Variants in NOS1 observed in about 807,000 individuals in gnomAD.
NOS1 encodes the protein NOS type I.
NOS1 carries 51 observed loss-of-function variants against 164.5 expected under a neutral mutation model. The ratio of observed to expected loss-of-function variants is 0.31; its 90% CI spans 0.25 to 0.39. The LOEUF (loss-of-function observed/expected upper bound fraction) is 0.39. Ranked by LOEUF, NOS1 falls within the 10% of genes least tolerant of loss-of-function variation. The pLI is 1.00. For missense variants in NOS1, 1,362 were observed against 1,885.6 expected (o/e 0.72, Z 5.14); for synonymous variants, 719 against 745.8 (o/e 0.96, Z 0.59).
intron 3 of NOS1, among the ~76,000 whole-genome samples, chr12:117,298,769 C>T (rs1245582861): frequency 6.6e-6 from 1 of 152,164 alleles, no homozygotes; most frequent in Non-Finnish European, 1.5e-5. Context: ...GGAACCAGCA[C>T]CGCCAACACC....
chr12:117,297,066 A>C lies in NOS1; in HGVS notation c.853-6640T>G, dbSNP rs140737268. ...GAGCAAACTAACACAAGGTCTAAAA[A>C]GTTTCAACACTGTAGAGTTCCTTAA... On this transcript the variant is annotated intron_variant, in intron 3 of 28. Coordinates refer to ENST00000317775, the MANE Select transcript of NOS1 (RefSeq NM_000620.5). 3.2e-3 allele frequency among the ~76,000 whole-genome samples: 489 copies of C among 152,372 alleles called. 4 individuals are homozygous for C. Among genetic ancestry groups the C allele is most frequent in the African/African-American group, 0.011 (442 of 41,586 alleles).
At position 117,330,316 on chromosome 12, in the gene NOS1, A is replaced by G. The variant is rs1338645883; in HGVS notation, c.725+29T>C. The G allele has an allele frequency of 1.3e-6, 2 of 1,586,680 alleles. No individual in the cohort carries two copies. The highest frequency in any genetic ancestry group is 1.7e-6 in the Non-Finnish European group (2 of 1,164,664). The stretch of plus-strand genomic sequence containing the variant: ...CACAAGCATGCACACACACACACAC[A>G]CACACACACACACCCCTGTGGAGCT... On this transcript the variant is annotated intron_variant, in intron 2 of 28. Transcript: ENST00000317775. This position sits in a 1 kb window ranked among gnomAD's most constrained non-coding sequence, Gnocchi z 4.6.
chr12:117,349,995 G>T (rs1231551766), intron 1 of NOS1, among the ~76,000 whole-genome samples: 1 of 152,050 alleles, frequency 6.6e-6, no homozygotes, highest in Non-Finnish European at 1.5e-5. Flanking sequence ...AAAGTGCTGG[G>T]TTTACAGGTG....
chr12:117,281,199 C>T (rs1399103121), intron 7 of NOS1, among the ~76,000 whole-genome samples: 9 of 152,194 alleles, frequency 5.9e-5, no homozygotes, highest in African/African-American at 2.2e-4. Flanking sequence ...GTCATTTCCA[C>T]GGAAACATCA....
chr12:117,280,614 T>C (rs2136010201), intron 8 of NOS1, 111 bp downstream of exon 8: 1 of 1,100,496 alleles, frequency 9.1e-7, no homozygotes, highest in Non-Finnish European at 1.3e-6. Flanking sequence ...GAAGAGTAAA[T>C]GACCCCATCA....
At position 117,211,930 on chromosome 12, in the gene NOS1, T is replaced by A; in HGVS notation, c.*3379A>T. On this transcript the variant is annotated 3_prime_UTR_variant, in exon 29 of 29. Transcript: ENST00000317775. ...AAATACAAAACTTAGCTGGGCGTGG[T>A]GGTAGGCGCCTGTAGTCCCAGTTAC... 1 of 663,602 alleles carries A rather than the reference T, an allele frequency of 1.5e-6. No individual in the cohort carries two copies. Among genetic ancestry groups the A allele is most frequent in the Non-Finnish European group, 1.9e-6 (1 of 536,266 alleles). 41.1% of individuals were successfully genotyped at this position (663,602 alleles called of 1,614,324 possible). A position where few individuals can be genotyped will look rare whatever the true frequency, so the allele number is the denominator to read the frequency against.
chr12:117,256,068 C>A, intron 16 of NOS1: 1 of 1,242,016 alleles, frequency 8.1e-7, no homozygotes, highest in South Asian at 2.3e-5. Context: ...TGCCCTATCT[C>A]TCCCTGAAGG....
intron 2 of NOS1, among the ~76,000 whole-genome samples, chr12:117,316,869 ACT>A (rs1874691780): frequency 6.6e-6 from 1 of 151,670 alleles, no homozygotes; most frequent in African/African-American, 2.4e-5. Flanking sequence ...AAATTTAGTA[ACT>A]CTGTTTTTTT....
At chr12:117,215,357 C>T (rs766935676) in intron 28 of NOS1, 33 bp from the exon 29 acceptor site, 2 of 1,505,384 alleles carry the variant, frequency 1.3e-6, no homozygotes, top group Admixed American at 2.1e-5. Context: ...GCAGTTAGTG[C>T]CCCAAGGGCA....
Position 117,212,566 on chromosome 12 carries a change from G to A in NOS1, c.*2743C>T. 2 of 985,446 alleles carry A rather than the reference G, an allele frequency of 2.0e-6. No individual in the cohort carries two copies. Among genetic ancestry groups the A allele is most frequent in the South Asian group, 4.7e-5 (1 of 21,288 alleles). The allele number at this position is 985,446 out of a possible 1,614,324, so 61.0% of individuals were successfully genotyped here. On this transcript the variant is annotated 3_prime_UTR_variant, in exon 29 of 29. Coordinates refer to ENST00000317775, the MANE Select transcript of NOS1 (RefSeq NM_000620.5). ...TTCCGGTGTTCCTATTTCAGGAGAC[G>A]TCTCATTCCTCCTGGCCAAACTCAC...
rs577235551 is a variant in NOS1, at chr12:117,220,947, C to T, written c.3976-678G>A. Among the ~76,000 whole-genome samples the T allele has an allele frequency of 4.6e-5, 7 of 152,022 alleles. No individual in the cohort carries two copies. The South Asian group carries it at 1.5e-3, about 32-fold the overall frequency. On this transcript the variant is annotated intron_variant, in intron 26 of 28. Transcript: ENST00000317775. ...GGTATGGCTGTAGCGACTCTTAAGA[C>T]TGAGATACTCCCACCCTAGTAGTCA...
chr12:117,261,004 C>T (rs1871857399), intron 13 of NOS1, among the ~76,000 whole-genome samples: 1 of 151,636 alleles, frequency 6.6e-6, no homozygotes, highest in African/African-American at 2.4e-5. Flanking sequence ...TCCGTCTCTA[C>T]TAAAATACAA....
At position 117,314,556 on chromosome 12, in the gene NOS1, A is replaced by ATAG. The variant is rs538532724; in HGVS notation, c.726-2967_726-2965dup. 5.4e-3 allele frequency among the ~76,000 whole-genome samples: 817 copies of ATAG among 152,328 alleles called. 8 individuals carry two copies. The highest frequency in any genetic ancestry group is 0.024 in the Middle Eastern group (7 of 294). ...TTTCCCAAGGTCCCACCGTAAGCAT[A>ATAG]TAGTACAGCTGGGATTTGAAACTAG... On this transcript the variant is annotated intron_variant, in intron 2 of 28. Coordinates refer to ENST00000317775, the MANE Select transcript of NOS1 (RefSeq NM_000620.5).
intron 12 of NOS1, 45 bp from the exon 13 acceptor site, chr12:117,264,019 G>C: frequency 6.6e-7 from 1 of 1,524,220 alleles, no homozygotes; most frequent in Non-Finnish European, 9.1e-7. Context: ...TGCAGTGAGG[G>C]CATCTGGTTC....
At chr12:117,222,920 G>A in intron 25 of NOS1, 57 bp from the exon 26 acceptor site, 8 of 1,578,802 alleles carry the variant, frequency 5.1e-6, no homozygotes, top group Non-Finnish European at 6.9e-6. Flanking sequence ...GTGCAGGGTG[G>A]CTGAGGTGCC....
intron 17 of NOS1, among the ~76,000 whole-genome samples, chr12:117,249,829 T>G (rs2135963574): frequency 6.6e-6 from 1 of 152,284 alleles, no homozygotes; most frequent in South Asian, 2.1e-4. Flanking sequence ...ACACAGTCCT[T>G]CAGACACTTT....
At chr12:117,336,042 G>A (rs1010763650) in intron 1 of NOS1, among the ~76,000 whole-genome samples, 3 of 151,772 alleles carry the variant, frequency 2.0e-5, no homozygotes, top group Non-Finnish European at 4.4e-5. Context: ...CTTACGGATG[G>A]ATAAGGCAGA....
intron 17 of NOS1, among the ~76,000 whole-genome samples, 200 bp from the exon 18 acceptor site, chr12:117,247,722 G>A (rs1426437978): frequency 6.6e-6 from 1 of 152,048 alleles, no homozygotes; most frequent in African/African-American, 2.4e-5. Context: ...GATCTGATAG[G>A]ATTAGTGTCC....
rs1872031178 is a variant in NOS1 at position 117,262,625 on chromosome 12, G to C, written c.2222+1264C>G. ...CAGTGTCTTGTCTCTGGGGCCCATG[G>C]CTTAGATGACACCTGTTGTACAACT... On this transcript the variant is annotated intron_variant, in intron 13 of 28. Transcript: ENST00000317775. 2.6e-5 allele frequency among the ~76,000 whole-genome samples: 4 copies of C among 152,266 alleles called. No individual in the cohort carries two copies. In the South Asian group the frequency reaches 8.3e-4, roughly 32 times the overall value.
Sources: gnomAD v4.1 joint callset for allele counts (sites outside exome capture counted in the v4.1 genomes callset) on GRCh38, gnomAD v4.1.1 for gene constraint, Gnocchi (gnomAD v3.1) non-coding constraint, MANE v1.5 for transcripts, NCBI Gene and HGNC (gene_info 2026-07-23, HGNC 2026-07-21) for gene names.